The following ULK4 variants were observed in gnomAD, a reference collection of about 807,000 sequenced individuals.
ULK4 encodes inactive serine/threonine-protein kinase ULK4.
In ULK4, 133 loss-of-function variants were observed where a neutral mutation model predicts 160.6. The ratio of observed to expected loss-of-function variants is 0.83; its 90% CI spans 0.72 to 0.96. The LOEUF (loss-of-function observed/expected upper bound fraction) is 0.96, where lower values mean the gene tolerates loss of function less well. Ranked by LOEUF, ULK4 falls within the 40% of genes least tolerant of loss-of-function variation. The pLI is 0.00. For missense variants in ULK4, 1,580 were observed against 1,499.5 expected, an observed-to-expected ratio of 1.05 and a Z score of -0.89; for synonymous variants, 534 against 539.8, an observed-to-expected ratio of 0.99 and a Z score of 0.15.
rs60200958 is a variant in ULK4, at chr3:41,592,258, TGAGTCAATTTAGAGAGCC to T, written c.3120+23393_3120+23410del. Among the ~76,000 whole-genome samples the T allele has an allele frequency of 3.1e-3, 474 of 152,286 alleles. 3 individuals carry two copies. Among genetic ancestry groups the T allele is most frequent in the African/African-American group, 0.011 (452 of 41,542 alleles). ...CTGGAGCTGAGTCAATTTAGAGAGC[TGAGTCAATTTAGAGAGCC>T]GAGTGAAATACAGGTGTAGAGGAAG... On this transcript the variant is annotated intron_variant, in intron 31 of 36. Coordinates refer to ENST00000301831, the MANE Select transcript of ULK4 (RefSeq NM_017886.4).
intron 30 of ULK4, among the ~76,000 whole-genome samples, chr3:41,623,084 T>C (rs1387539354): frequency 2.6e-5 from 4 of 152,210 alleles, no homozygotes; most frequent in Non-Finnish European, 4.4e-5. Context: ...TTTCTACTAT[T>C]TTATTAGAAT....
intron 21 of ULK4, among the ~76,000 whole-genome samples, chr3:41,769,583 A>G (rs1169037576): frequency 6.6e-6 from 1 of 152,252 alleles, no homozygotes; most frequent in Non-Finnish European, 1.5e-5. Flanking sequence ...GGTTATGTCC[A>G]GCATTCACGG....
At chr3:41,530,572 G>A (rs1275328303) in intron 32 of ULK4, among the ~76,000 whole-genome samples, 1 of 152,150 alleles carries the variant, frequency 6.6e-6, no homozygotes. Context: ...CTGGCAATTT[G>A]TTAATGTAAT....
At chr3:41,732,227 A>G (rs988566344) in intron 22 of ULK4, among the ~76,000 whole-genome samples, 4 of 152,186 alleles carry the variant, frequency 2.6e-5, no homozygotes, top group Admixed American at 2.0e-4. Context: ...CATGCATCTG[A>G]CAAGAGGTTA....
intron 34 of ULK4, among the ~76,000 whole-genome samples, chr3:41,399,358 T>C (rs898027398): frequency 1.3e-5 from 2 of 152,190 alleles, no homozygotes; most frequent in Non-Finnish European, 2.9e-5. Context: ...TTTGTCTTTA[T>C]ATAGTTGAGT....
intron 35 of ULK4, among the ~76,000 whole-genome samples, chr3:41,288,541 A>G (rs777617971): frequency 1.3e-5 from 2 of 152,190 alleles, no homozygotes; most frequent in Non-Finnish European, 2.9e-5. Context: ...ATATCCTGCT[A>G]TAGCCCAAAA....
chr3:41,329,606 C>A (rs1030706210), intron 35 of ULK4, among the ~76,000 whole-genome samples: 1 of 150,646 alleles, frequency 6.6e-6, no homozygotes, highest in African/African-American at 2.4e-5. Context: ...CATAGTTGTA[C>A]AACCCAGTGT....
At chr3:41,683,850 C>T (rs982292508) in intron 27 of ULK4, among the ~76,000 whole-genome samples, 1 of 152,024 alleles carries the variant, frequency 6.6e-6, no homozygotes, top group African/African-American at 2.4e-5. Context: ...CCTCCCTTTG[C>T]CACGCCTTGT....
chr3:41,610,565 T>C (rs898355224), intron 31 of ULK4, among the ~76,000 whole-genome samples: 1 of 152,190 alleles, frequency 6.6e-6, no homozygotes, highest in Non-Finnish European at 1.5e-5. Flanking sequence ...CTATATGACA[T>C]TGGTGTCTCA....
At position 41,566,125 on chromosome 3, in the gene ULK4, A is replaced by T. The variant is rs1262270980; in HGVS notation, c.3126T>A (p.His1042Gln). Reference sequence around the variant, plus strand: ...TGGTATTACCCAGAATGCTCTCCTGATGTTCCTGCAATAGATCATAATTTC... The same window carrying T: ...TGGTATTACCCAGAATGCTCTCCTGTTGTTCCTGCAATAGATCATAATTTC... ...IPLIFEVTLE[H>Q]QESILGNTMQ... The change falls in exon 32 of 37, where the codon CAT (histidine) becomes CAA (glutamine). Residue 1042 changes from histidine to glutamine, a missense_variant. By Grantham distance (24) the His-to-Gln change is conservative. Coordinates refer to ENST00000301831, the MANE Select transcript of ULK4 (RefSeq NM_017886.4). 1.2e-6 allele frequency: 2 copies of T among 1,611,652 alleles called. No homozygotes were observed. The highest frequency in any genetic ancestry group is 1.7e-5 in the Admixed American group (1 of 59,754).
chr3:41,823,236 C>G (rs561957822), intron 18 of ULK4, among the ~76,000 whole-genome samples: 14 of 152,168 alleles, frequency 9.2e-5, no homozygotes, highest in African/African-American at 3.4e-4. Flanking sequence ...GCAGGAGAAA[C>G]AGCAAATGTC....
At chr3:41,584,928 T>C (rs376830052) in intron 31 of ULK4, among the ~76,000 whole-genome samples, 170 of 152,108 alleles carry the variant, frequency 1.1e-3, no homozygotes, top group African/African-American at 4.0e-3. Context: ...GAATAAAATA[T>C]TTAGAAATAA....
chr3:41,275,451 A>C (rs1307784693), intron 35 of ULK4, among the ~76,000 whole-genome samples: 1 of 152,224 alleles, frequency 6.6e-6, no homozygotes, highest in African/African-American at 2.4e-5. Flanking sequence ...AAAACATTAG[A>C]TCAAAAGATC....
At chr3:41,793,568 G>C (rs1284779830) in intron 20 of ULK4, among the ~76,000 whole-genome samples, 1 of 152,124 alleles carries the variant, frequency 6.6e-6, no homozygotes, top group African/African-American at 2.4e-5. Context: ...CAGAGAAGAG[G>C]AAGTAGTTAA....
At chr3:41,603,332 A>G (rs1348890981) in intron 31 of ULK4, among the ~76,000 whole-genome samples, 1 of 152,134 alleles carries the variant, frequency 6.6e-6, no homozygotes, top group East Asian at 1.9e-4. Context: ...CAAAGGTGTA[A>G]AACACTGAAG....
chr3:41,961,029 G>A (rs1220951785), intron 1 of ULK4, among the ~76,000 whole-genome samples: 4 of 152,168 alleles, frequency 2.6e-5, no homozygotes, highest in Non-Finnish European at 4.4e-5. Context: ...TCTCACTCGA[G>A]TGTGCTTTCC....
chr3:41,610,030 T>C (rs2032592988), intron 31 of ULK4, among the ~76,000 whole-genome samples: 1 of 151,484 alleles, frequency 6.6e-6, no homozygotes, highest in African/African-American at 2.4e-5. Context: ...ATTTTTTTTT[T>C]TTTGGAAACA....
intron 35 of ULK4, among the ~76,000 whole-genome samples, chr3:41,276,042 C>T (rs2079223492): frequency 6.6e-6 from 1 of 152,222 alleles, no homozygotes; most frequent in Admixed American, 6.5e-5. Context: ...AACAGGACTA[C>T]TGCTGATACC....
chr3:41,777,972 G>A (rs1173090730), intron 21 of ULK4, among the ~76,000 whole-genome samples: 1 of 135,398 alleles, frequency 7.4e-6, no homozygotes, highest in Non-Finnish European at 1.6e-5. Context: ...AGTGTTGGAA[G>A]TTCTGGCCAG....
Sources: allele counts gnomAD v4.1 joint callset (sites outside exome capture counted in the v4.1 genomes callset), GRCh38; gene constraint gnomAD v4.1.1; transcripts MANE v1.5; gene names NCBI Gene and HGNC (gene_info 2026-07-23, HGNC 2026-07-21).